The following WDR93 variants were observed in gnomAD, a reference collection of about 807,000 sequenced individuals.
The protein encoded by WDR93 is WD repeat domain 93.
A neutral mutation model predicts 82.9 loss-of-function variants in WDR93; 73 were observed. The observed-to-expected ratio is 0.88, with a 90% confidence interval of 0.73 to 1.07. The LOEUF (loss-of-function observed/expected upper bound fraction) is 1.07. Ranked by LOEUF, WDR93 falls within the 50% of genes least tolerant of loss-of-function variation. The pLI is 0.00. For synonymous variants in WDR93, 283 were observed against 300.1 expected, an observed-to-expected ratio of 0.94 and a Z score of 0.59; for missense variants, 738 against 826.0, an observed-to-expected ratio of 0.89 and a Z score of 1.31.
rs78188422 is a variant in WDR93 at position 89,735,452 on chromosome 15, T to C, written c.1545-38T>C. 7,491 of 1,603,194 alleles carry C rather than the reference T, an allele frequency of 4.7e-3. 338 individuals are homozygous for C. In the African/African-American group the frequency reaches 0.088, roughly 19 times the overall value. On this transcript the variant is annotated intron_variant, in intron 13 of 16. Coordinates refer to ENST00000268130, the MANE Select transcript of WDR93 (RefSeq NM_020212.2). ...GAGGATATCAAAACTTTTAAACTCT[T>C]AAAGTAGGAGAATGTCTGTATATTT... is the stretch of plus-strand genomic sequence containing the variant.
intron 1 of WDR93, among the ~76,000 whole-genome samples, chr15:89,695,096 T>A (rs1418068530): frequency 1.3e-4 from 20 of 152,180 alleles, no homozygotes; most frequent in Admixed American, 1.3e-3. Context: ...GTGATAAGTC[T>A]TGAAATTAAG....
chr15:89,692,631 CAG>C (rs1464622776), intron 1 of WDR93, among the ~76,000 whole-genome samples: 7 of 152,138 alleles, frequency 4.6e-5, no homozygotes, highest in Non-Finnish European at 1.0e-4. Flanking sequence ...GTTTTTGAGA[CAG>C]AGTTTTGCTC....
chr15:89,725,156 T>C (rs1384818373), intron 8 of WDR93, among the ~76,000 whole-genome samples: 2 of 152,234 alleles, frequency 1.3e-5, no homozygotes, highest in African/African-American at 4.8e-5. Flanking sequence ...AGTGACATGA[T>C]TTTTAATAGC....
intron 11 of WDR93, 91 bp from the exon 12 acceptor site, chr15:89,731,352 C>A: frequency 6.4e-7 from 1 of 1,563,972 alleles, no homozygotes. Context: ...CCTGAACAGG[C>A]AGACCAGTCT....
Position 89,698,015 on chromosome 15 carries a change from G to A in WDR93, c.-40-3692G>A, listed in dbSNP as rs143376441. 6.6e-3 allele frequency among the ~76,000 whole-genome samples: 1,001 copies of A among 151,582 alleles called. 15 individuals are homozygous for A. Among genetic ancestry groups the A allele is most frequent in the African/African-American group, 0.023 (947 of 41,342 alleles). On this transcript the variant is annotated intron_variant, in intron 1 of 16. Coordinates refer to ENST00000268130, the MANE Select transcript of WDR93 (RefSeq NM_020212.2). Reference sequence around the variant, plus strand: ...CTGCCTCAGCCTCCCAAGTAGCTGGGACTACAGGCGCCTACCACCACGCCC... The same window carrying A: ...CTGCCTCAGCCTCCCAAGTAGCTGGAACTACAGGCGCCTACCACCACGCCC...
chr15:89,738,150 T>A lies in WDR93; in HGVS notation c.1875T>A (p.Cys625Ter), dbSNP rs35017767. 43 of 1,614,082 alleles carry A rather than the reference T, an allele frequency of 2.7e-5. No homozygotes were observed. Among genetic ancestry groups the A allele is most frequent in the South Asian group, 1.5e-4 (14 of 91,086 alleles). The change falls in exon 16 of 17, where the codon TGT (cysteine) becomes TGA (stop). Residue 625 changes from cysteine to a stop codon, truncating the protein, a stop_gained. Transcript: ENST00000268130. LOFTEE classifies it high-confidence loss of function. Reference protein sequence around the residue: ...CPLLENISKNCTIPQRDLDNM... With the variant: ...CPLLENISKN ...TCCTGGAAAATATCTCAAAAAATTG[T>A]ACCATTCCTCAAAGGGACTTGGATA... is the stretch of plus-strand genomic sequence containing the variant.
intron 12 of WDR93, among the ~76,000 whole-genome samples, chr15:89,732,024 A>C (rs754371775): frequency 3.3e-5 from 5 of 152,302 alleles, no homozygotes; most frequent in Admixed American, 3.3e-4. Flanking sequence ...AGTCAAAGTG[A>C]GACCAGCAGC....
intron 4 of WDR93, among the ~76,000 whole-genome samples, chr15:89,709,962 C>T (rs917538793): frequency 1.3e-5 from 2 of 151,890 alleles, no homozygotes; most frequent in Non-Finnish European, 2.9e-5. Flanking sequence ...AGAACAAGAC[C>T]ATCCTGGCTA....
chr15:89,742,917 T>TA (rs1720931628), intron 16 of WDR93, among the ~76,000 whole-genome samples: 1 of 152,252 alleles, frequency 6.6e-6, no homozygotes, highest in Non-Finnish European at 1.5e-5. Flanking sequence ...GTGACTGGCA[T>TA]ATTTCAGTCA....
At chr15:89,718,343 G>A (rs370834704) in intron 7 of WDR93, among the ~76,000 whole-genome samples, 7 of 152,122 alleles carry the variant, frequency 4.6e-5, no homozygotes, top group Non-Finnish European at 8.8e-5. Context: ...ATGTGGTGGC[G>A]TGTGCCTGTA....
chr15:89,716,973 C>A, intron 7 of WDR93, 24 bp downstream of exon 7: 1 of 1,429,954 alleles, frequency 7.0e-7, no homozygotes, highest in Non-Finnish European at 9.5e-7. Flanking sequence ...AAGAAAATCT[C>A]CAGAGAGACT....
chr15:89,690,386 C>T (rs953190730), upstream of WDR93, among the ~76,000 whole-genome samples: 1 of 152,102 alleles, frequency 6.6e-6, no homozygotes, highest in East Asian at 1.9e-4. Flanking sequence ...GACGCGGGTG[C>T]GTTGGGCCCA....
At chr15:89,730,322 CAAAAAAA>C (rs370652070) in intron 11 of WDR93, among the ~76,000 whole-genome samples, 27 of 123,456 alleles carry the variant, frequency 2.2e-4, no homozygotes, top group Non-Finnish European at 2.2e-4. Flanking sequence ...AAGACTATCT[CAAAAAAA>C]AAAAAAAAAA....
At chr15:89,738,806 C>G (rs1309630945) in intron 16 of WDR93, among the ~76,000 whole-genome samples, 2 of 151,752 alleles carry the variant, frequency 1.3e-5, no homozygotes, top group African/African-American at 2.4e-5. Flanking sequence ...TTTTAACTTT[C>G]TCAATTCCCT....
chr15:89,703,061 G>T lies in WDR93; in HGVS notation c.415G>T (p.Glu139Ter). The T allele has an allele frequency of 6.2e-7, 1 of 1,614,194 alleles. No individual in the cohort carries two copies. The highest frequency in any genetic ancestry group is 8.5e-7 in the Non-Finnish European group (1 of 1,180,032). The change falls in exon 3 of 17, where the codon GAG (glutamate) becomes TAG (stop). Residue 139 changes from glutamate (E) to a stop codon, truncating the protein, a stop_gained. Coordinates refer to ENST00000268130, the MANE Select transcript of WDR93 (RefSeq NM_020212.2). LOFTEE classifies it high-confidence loss of function. ...LYSAKQIYAW[E>*]KLKVDVTSIW... The stretch of plus-strand genomic sequence containing the variant: ...CAGTGCTAAACAAATATATGCGTGG[G>T]AGAAGCTTAAGGTTGATGTCACTTC...
intron 2 of WDR93, 66 bp downstream of exon 2, chr15:89,702,115 T>A: frequency 6.7e-7 from 1 of 1,492,050 alleles, no homozygotes; most frequent in Non-Finnish European, 9.0e-7. Context: ...TGAAATCCCC[T>A]GATCCAGGAA....
At chr15:89,739,625 T>A (rs1967495045) in intron 16 of WDR93, among the ~76,000 whole-genome samples, 1 of 152,238 alleles carries the variant, frequency 6.6e-6, no homozygotes, top group Non-Finnish European at 1.5e-5. Flanking sequence ...CCTTTTGGGA[T>A]CTGACCACAC....
chr15:89,694,202 A>G (rs1965039369), intron 1 of WDR93, among the ~76,000 whole-genome samples: 1 of 149,326 alleles, frequency 6.7e-6, no homozygotes, highest in Non-Finnish European at 1.5e-5. Flanking sequence ...TTGGTTAAGT[A>G]TCTGTACAAA....
intron 1 of WDR93, among the ~76,000 whole-genome samples, chr15:89,696,958 AGTTT>A (rs34170578): frequency 8.6e-5 from 13 of 150,736 alleles, no homozygotes; most frequent in East Asian, 5.9e-4. Context: ...TAGTATTGTC[AGTTT>A]GTTTGTTTGT....
Sources: allele counts gnomAD v4.1 joint callset (sites outside exome capture counted in the v4.1 genomes callset), GRCh38; gene constraint gnomAD v4.1.1; transcripts MANE v1.5; gene names NCBI Gene and HGNC (gene_info 2026-07-23, HGNC 2026-07-21).